Variants in RPS6KA6 observed in about 807,000 individuals in gnomAD.
The protein encoded by RPS6KA6 is ribosomal protein S6 kinase alpha-6.
Under a neutral mutation model 65.4 loss-of-function variants are expected in RPS6KA6, and 27 were observed. That is an observed-to-expected ratio of 0.41 (90% CI 0.30 to 0.57). The LOEUF (loss-of-function observed/expected upper bound fraction) is 0.57. RPS6KA6 is among the 20% of genes least tolerant of loss of function. The probability of loss-of-function intolerance (pLI) is 0.24; values close to 1 mark genes in which losing one functional copy is unlikely to be tolerated. For missense variants in RPS6KA6, 486 were observed against 555.6 expected (o/e 0.87, Z 1.26); for synonymous variants, 190 against 184.2 (o/e 1.03, Z -0.26).
intron 20 of RPS6KA6, among the ~76,000 whole-genome samples, chrX:84,092,659 T>A (rs2034071374): frequency 1.8e-5 from 2 of 109,364 alleles, no homozygotes; most frequent in South Asian, 7.9e-4. Flanking sequence ...CTCACTCCAA[T>A]CAGAGTGGCT....
intron 20 of RPS6KA6, among the ~76,000 whole-genome samples, chrX:84,082,501 C>T (rs775749155): frequency 1.8e-5 from 2 of 111,707 alleles, no homozygotes; most frequent in East Asian, 2.8e-4. Flanking sequence ...GAATCAATAC[C>T]GTGAAAATGG....
chrX:84,123,938 G>A (rs1336424996), intron 8 of RPS6KA6, among the ~76,000 whole-genome samples: 1 of 111,292 alleles, frequency 9.0e-6, no homozygotes, highest in Non-Finnish European at 1.9e-5. Context: ...GTGTGGTGGC[G>A]GCCATAGGGG....
At chrX:84,165,445 C>T (rs2035582290) in intron 1 of RPS6KA6, among the ~76,000 whole-genome samples, 1 of 111,316 alleles carries the variant, frequency 9.0e-6, no homozygotes, top group East Asian at 2.8e-4. Context: ...AAGATCAAAA[C>T]TTGAAAATTA....
rs767831184 is a variant in RPS6KA6, at chrX:84,116,286, T to C, written c.951A>G (p.Gly317=). Residue 317 remains glycine, a splice_region_variant and synonymous_variant, in exon 12 of 22, where the codon GGA becomes GGG. Coordinates refer to ENST00000262752, the MANE Select transcript of RPS6KA6 (RefSeq NM_014496.5). ...TTTTGATTTCTTCAACTCCTTCTGATCCTATAAAAAAAAGAAATGATATTT... is the reference window on the plus strand; with the variant it reads ...TTTTGATTTCTTCAACTCCTTCTGACCCTATAAAAAAAAGAAATGATATTT... ...LFKRNPANRL[G]SEGVEEIKRH... 9.2e-7 allele frequency: 1 copy of C among 1,086,954 alleles called. No individual in the cohort carries two copies. The highest frequency in any genetic ancestry group is 1.2e-6 in the Non-Finnish European group (1 of 801,787). 89.6% of individuals were successfully genotyped at this position (1,086,954 alleles called of 1,213,427 possible).
At chrX:84,110,931 A>G (rs1268451854) in intron 12 of RPS6KA6, among the ~76,000 whole-genome samples, 1 of 109,448 alleles carries the variant, frequency 9.1e-6, no homozygotes. Context: ...AAATAAAGTC[A>G]AACACATACA....
intron 20 of RPS6KA6, among the ~76,000 whole-genome samples, chrX:84,081,438 T>A (rs1348124551): frequency 3.6e-5 from 4 of 111,417 alleles, no homozygotes; most frequent in Non-Finnish European, 7.5e-5. Flanking sequence ...AATGCCTGAA[T>A]ATACCAATAA....
At chrX:84,126,568 C>A in intron 8 of RPS6KA6, among the ~76,000 whole-genome samples, 1 of 111,690 alleles carries the variant, frequency 9.0e-6, no homozygotes, top group East Asian at 2.8e-4. Context: ...GCACATGGAT[C>A]ATTCTCAAGA....
rs144652734 is a variant in RPS6KA6 at position 84,119,554 on chromosome X, T to A, written c.789+331A>T. Reference sequence around the variant, plus strand: ...GACACTATATGGTAAGGTGCTAAGTTCTGTAACATTCAATTAAAATACCAT... The same window carrying A: ...GACACTATATGGTAAGGTGCTAAGTACTGTAACATTCAATTAAAATACCAT... On this transcript the variant is annotated intron_variant, in intron 9 of 21. Transcript: ENST00000262752. 5.9e-3 allele frequency among the ~76,000 whole-genome samples: 664 copies of A among 111,608 alleles called. 10 individuals are homozygous for A. The East Asian group carries it at 0.081, about 14-fold the overall frequency.
intron 2 of RPS6KA6, among the ~76,000 whole-genome samples, chrX:84,156,723 C>T (rs2035422911): frequency 8.9e-6 from 1 of 111,733 alleles, no homozygotes; most frequent in African/African-American, 3.2e-5. Context: ...GGCCCGTTTA[C>T]TGAAATTTTA....
At chrX:84,084,308 T>C (rs1202234381) in intron 20 of RPS6KA6, among the ~76,000 whole-genome samples, 1 of 112,543 alleles carries the variant, frequency 8.9e-6, no homozygotes, top group Non-Finnish European at 1.9e-5. Flanking sequence ...TGAATGGTAT[T>C]GCCTAGATTT....
At position 84,131,122 on chromosome X, in the gene RPS6KA6, A is replaced by G. The variant is rs751137957; in HGVS notation, c.646+3660T>C. Among the ~76,000 whole-genome samples the G allele has an allele frequency of 2.5e-3, 284 of 112,211 alleles. 2 individuals are homozygous for G. Among genetic ancestry groups the G allele is most frequent in the Middle Eastern group, 9.2e-3 (2 of 217 alleles). On this transcript the variant is annotated intron_variant, in intron 8 of 21. Coordinates refer to ENST00000262752, the MANE Select transcript of RPS6KA6 (RefSeq NM_014496.5). ...ATAGTACTATAACCACAGCCAGGAC[A>G]CTGACATTGATGCAGTCAAGACACG...
chrX:84,082,807 T>C lies in RPS6KA6; in HGVS notation c.1971+13387A>G, dbSNP rs757078318. Among the ~76,000 whole-genome samples the C allele has an allele frequency of 3.6e-5, 4 of 111,345 alleles. No homozygotes were observed. The South Asian group carries it at 1.5e-3, about 43-fold the overall frequency. Reference sequence around the variant, plus strand: ...ACATAATGCCACACATCTACGACCATCTGGTTTTTGACAATCCTGACAAGA... The same window carrying C: ...ACATAATGCCACACATCTACGACCACCTGGTTTTTGACAATCCTGACAAGA... On this transcript the variant is annotated intron_variant, in intron 20 of 21. Coordinates refer to ENST00000262752, the MANE Select transcript of RPS6KA6 (RefSeq NM_014496.5).
intron 2 of RPS6KA6, among the ~76,000 whole-genome samples, chrX:84,158,585 T>C (rs976355405): frequency 9.0e-6 from 1 of 111,413 alleles, no homozygotes; most frequent in Admixed American, 9.6e-5. Context: ...GTGAAGAATA[T>C]AAACTTCTTC....
chrX:84,175,763 T>C lies in RPS6KA6; in HGVS notation c.82-11376A>G, dbSNP rs190171087. On this transcript the variant is annotated intron_variant, in intron 1 of 21. Coordinates refer to ENST00000262752, the MANE Select transcript of RPS6KA6 (RefSeq NM_014496.5). ...AAATTTGTTGGAATTTGTGACATAA[T>C]ATATTGTCCTTCAGTTCAGATATTT... 1.8e-3 allele frequency among the ~76,000 whole-genome samples: 198 copies of C among 111,938 alleles called. 1 individual carries two copies. The highest frequency in any genetic ancestry group is 1.8e-3 in the Non-Finnish European group (93 of 53,117).
chrX:84,096,791 CTTGG>C (rs2034165538), intron 19 of RPS6KA6, among the ~76,000 whole-genome samples: 2 of 111,270 alleles, frequency 1.8e-5, no homozygotes, highest in African/African-American at 6.5e-5. Context: ...TCTATGAAAA[CTTGG>C]TTGGTTAAAT....
At chrX:84,120,108 T>A in intron 8 of RPS6KA6, 81 bp from the exon 9 acceptor site, 1 of 688,095 alleles carries the variant, frequency 1.5e-6, no homozygotes, top group Non-Finnish European at 2.0e-6. Flanking sequence ...AATAATGTAT[T>A]AAACATTACA....
At chrX:84,131,626 C>T (rs376452159) in intron 8 of RPS6KA6, among the ~76,000 whole-genome samples, 3 of 111,826 alleles carry the variant, frequency 2.7e-5, no homozygotes, top group Non-Finnish European at 5.6e-5. Flanking sequence ...TGCCAATCCA[C>T]AGAGTTCCTT....
intron 20 of RPS6KA6, among the ~76,000 whole-genome samples, chrX:84,077,043 G>T (rs1317219107): frequency 2.7e-5 from 3 of 111,331 alleles, no homozygotes; most frequent in Non-Finnish European, 5.7e-5. Context: ...TATGATAAAA[G>T]ATGTTTAAGA....
chrX:84,114,762 C>CAT (rs941708405), intron 12 of RPS6KA6, among the ~76,000 whole-genome samples: 1 of 111,642 alleles, frequency 9.0e-6, no homozygotes, highest in Non-Finnish European at 1.9e-5. Context: ...AAAATAGACA[C>CAT]ATAGATCAAT....
Sources: allele counts gnomAD v4.1 joint callset (sites outside exome capture counted in the v4.1 genomes callset), GRCh38; gene constraint gnomAD v4.1.1; transcripts MANE v1.5; gene names NCBI Gene and HGNC (gene_info 2026-07-23, HGNC 2026-07-21).